DCAF5: variants seen among roughly 807,000 people sequenced by gnomAD.
DCAF5 encodes DDB1- and CUL4-associated factor 5.
DCAF5 carries 9 observed loss-of-function variants against 80.7 expected under a neutral mutation model. The observed-to-expected ratio is 0.11, with a 90% CI of 0.07 to 0.19. The LOEUF is 0.19. Ranked by LOEUF, DCAF5 falls within the 10% of genes least tolerant of loss-of-function variation. The probability of loss-of-function intolerance (pLI) is 1.00; values close to 1 mark genes in which losing one functional copy is unlikely to be tolerated. For synonymous variants in DCAF5, 433 were observed against 461.9 expected (o/e 0.94, Z 0.80); for missense variants, 842 against 1,205.7 (o/e 0.70, Z 4.47).
At chr14:69,097,588 T>TA (rs1566751203) in intron 5 of DCAF5, among the ~76,000 whole-genome samples, 125 of 113,046 alleles carry the variant, frequency 1.1e-3, no homozygotes, top group African/African-American at 1.3e-3. Flanking sequence ...TATTATTTTT[T>TA]TTTTTTTTTT....
At chr14:69,144,153 T>G (rs1207998345) in intron 1 of DCAF5, among the ~76,000 whole-genome samples, 2 of 152,048 alleles carry the variant, frequency 1.3e-5, no homozygotes, top group Non-Finnish European at 2.9e-5. Context: ...CTTTCTACAC[T>G]ACAGGTAACG....
rs774101845 is a variant in DCAF5 at position 69,054,494 on chromosome 14, T to G, written c.2192A>C (p.Asp731Ala). Residue 731 changes from aspartate (D) to alanine (A), a missense_variant, in exon 9 of 9, where the codon GAC becomes GCC. This residue lies in a region of DCAF5 where 607 missense variants were observed against 656.6 expected (regional missense o/e 0.92). Transcript: ENST00000341516. The part of the protein sequence containing the change: ...QDLPPEGCSK[D>A]TFKEETPRTP... The stretch of plus-strand genomic sequence containing the variant: ...TCTAGGAGTCTCTTCTTTAAAAGTG[T>G]CCTTGCTGCAGCCTTCAGGTGGCAG... 1 of 1,614,156 alleles carries G rather than the reference T, an allele frequency of 6.2e-7. No individual in the cohort carries two copies. The highest frequency in any genetic ancestry group is 8.5e-7 in the Non-Finnish European group (1 of 1,180,026).
chr14:69,062,082 ATTTTTT>A lies in DCAF5; in HGVS notation c.1074+296_1074+301del, dbSNP rs949859484. On this transcript the variant is annotated intron_variant, in intron 8 of 8. Transcript: ENST00000341516. ...CTTTTTTTAAAATTTATTTATTTTT[ATTTTTT>A]ATTTTATTTTTTAAGATGATGTCTT... 1.6e-4 allele frequency among the ~76,000 whole-genome samples: 24 copies of A among 151,912 alleles called. 1 individual carries two copies. Among genetic ancestry groups the A allele is most frequent in the Middle Eastern group, 3.4e-3 (1 of 294 alleles).
At chr14:69,082,643 T>A (rs2039155265) in intron 6 of DCAF5, among the ~76,000 whole-genome samples, 1 of 152,156 alleles carries the variant, frequency 6.6e-6, no homozygotes, top group Non-Finnish European at 1.5e-5. Context: ...CATTAACCAT[T>A]AGCCCCCCTC....
Position 69,105,944 on chromosome 14 carries a change from T to TATATATATA in DCAF5, c.665+10421_665+10422insTATATATAT, listed in dbSNP as rs35270301. ...ATATATATATATATATATATATATA[T>TATATATATA]ATCTCCTATTGGTTCTGTTCCTCTG... On this transcript the variant is annotated intron_variant, in intron 5 of 8. Coordinates refer to ENST00000341516, the MANE Select transcript of DCAF5 (RefSeq NM_003861.3). Among the ~76,000 whole-genome samples the TATATATATA allele has an allele frequency of 5.7e-3, 483 of 85,196 alleles. 66 individuals are homozygous for TATATATATA. The highest frequency in any genetic ancestry group is 7.7e-3 in the Non-Finnish European group (252 of 32,534). The allele number at this position is 85,196 out of a possible 152,430, so 55.9% of individuals were successfully genotyped here.
chr14:69,090,022 A>G (rs1225322931), intron 6 of DCAF5: 1 of 985,362 alleles, frequency 1.0e-6, no homozygotes, highest in African/African-American at 1.7e-5. Flanking sequence ...CACAACCTGA[A>G]GAAAATCACC....
intron 1 of DCAF5, among the ~76,000 whole-genome samples, chr14:69,136,660 T>C (rs2041206056): frequency 1.3e-5 from 2 of 152,202 alleles, no homozygotes; most frequent in South Asian, 2.1e-4. Flanking sequence ...CAGATGATGT[T>C]TCCCCTCAGG....
At chr14:69,114,452 G>A (rs1030136182) in intron 5 of DCAF5, among the ~76,000 whole-genome samples, 8 of 152,104 alleles carry the variant, frequency 5.3e-5, no homozygotes, top group African/African-American at 1.4e-4. Flanking sequence ...AAAAGAAATC[G>A]AGAACAGTGA....
chr14:69,054,009 G>A lies in DCAF5; in HGVS notation c.2677C>T (p.Pro893Ser), dbSNP rs2139816900. The change falls in exon 9 of 9, where the codon CCC (proline) becomes TCC (serine). Residue 893 changes from proline (P) to serine (S), a missense_variant. Pro to Ser is a moderately conservative substitution (Grantham distance 74). Around this residue, in one of 5 missense-constraint regions of DCAF5, gnomAD observed 607 missense variants for 656.6 expected, o/e 0.92. Transcript: ENST00000341516. ...CCGSEMACET[P>S]NAGTREDPTD... is the part of the protein sequence containing the mutation. ...GGGTCCTCTCTTGTTCCAGCATTGGGGGTCTCACAGGCCATTTCAGACCCG... is the reference window on the plus strand; with the variant it reads ...GGGTCCTCTCTTGTTCCAGCATTGGAGGTCTCACAGGCCATTTCAGACCCG... 1 of 1,612,610 alleles carries A rather than the reference G, an allele frequency of 6.2e-7. No homozygotes were observed. The highest frequency in any genetic ancestry group is 1.1e-5 in the South Asian group (1 of 90,984).
chr14:69,147,833 A>C (rs1026318814), intron 1 of DCAF5, among the ~76,000 whole-genome samples: 1 of 152,212 alleles, frequency 6.6e-6, no homozygotes, highest in Admixed American at 6.5e-5. Flanking sequence ...AAAAGATAAT[A>C]ATCTCTCACT....
chr14:69,112,239 A>C (rs914713655), intron 5 of DCAF5, among the ~76,000 whole-genome samples: 1 of 152,186 alleles, frequency 6.6e-6, no homozygotes, highest in African/African-American at 2.4e-5. Flanking sequence ...CAGGGTTATA[A>C]AAGGTAAGAA....
In DCAF5 at chr14:69,140,961, C is replaced by G. The variant is rs202063074; in HGVS notation, c.214+11804G>C. 6.6e-5 allele frequency among the ~76,000 whole-genome samples: 10 copies of G among 151,892 alleles called. No individual in the cohort carries two copies. In the East Asian group the frequency reaches 1.7e-3, roughly 26 times the overall value. On this transcript the variant is annotated intron_variant, in intron 1 of 8. Coordinates refer to ENST00000341516, the MANE Select transcript of DCAF5 (RefSeq NM_003861.3). ...CCAGCCTGGCCAACACGGTGAAACC[C>G]CGTCTTTACTAAAAGTACAAAAATT...
chr14:69,112,478 T>A (rs977517893), intron 5 of DCAF5, among the ~76,000 whole-genome samples: 2 of 152,048 alleles, frequency 1.3e-5, no homozygotes, highest in Admixed American at 1.3e-4. Context: ...CTCATGCCTA[T>A]AATTCCATCT....
At chr14:69,135,769 G>C (rs1376816495) in intron 1 of DCAF5, among the ~76,000 whole-genome samples, 1 of 152,214 alleles carries the variant, frequency 6.6e-6, no homozygotes, top group Non-Finnish European at 1.5e-5. Flanking sequence ...TTTCTGATGA[G>C]ACTGGTGGCA....
At chr14:69,108,917 CTT>C (rs2040257323) in intron 5 of DCAF5, among the ~76,000 whole-genome samples, 1 of 152,178 alleles carries the variant, frequency 6.6e-6, no homozygotes, top group South Asian at 2.1e-4. Context: ...CTCGTTCTCT[CTT>C]TTGTCCCTTT....
rs147437843 is a variant in DCAF5 at position 69,054,034 on chromosome 14, G to A, written c.2652C>T (p.Cys884=). ...LTGTLLHKDC[C]GSEMACETPN... ...GGGTCTCACAGGCCATTTCAGACCC[G>A]CAACAATCTTTGTGTAGGAGTGTCC... is the stretch of plus-strand genomic sequence containing the variant. Residue 884 remains cysteine (C), a synonymous_variant, in exon 9 of 9, where the codon TGC becomes TGT. Transcript: ENST00000341516. 1.9e-5 allele frequency: 30 copies of A among 1,612,806 alleles called. No homozygotes were observed. Among genetic ancestry groups the A allele is most frequent in the African/African-American group, 1.5e-4 (11 of 74,898 alleles).
intron 1 of DCAF5, among the ~76,000 whole-genome samples, chr14:69,136,841 G>A (rs2041211795): frequency 6.6e-6 from 1 of 152,076 alleles, no homozygotes; most frequent in South Asian, 2.1e-4. Flanking sequence ...TTCAGGTGGA[G>A]AAACCCTGCT....
intron 5 of DCAF5, among the ~76,000 whole-genome samples, 176 bp downstream of exon 5, chr14:69,116,190 G>A (rs776015821): frequency 7.9e-5 from 12 of 152,204 alleles, no homozygotes; most frequent in Admixed American, 1.3e-4. Context: ...GTACGGATTT[G>A]TCGCTGTCTA....
chr14:69,054,637 G>C lies in DCAF5; in HGVS notation c.2049C>G (p.Ser683=), dbSNP rs779702114. ...CTTCATCTGCCTCCCCGGTCACCAA[G>C]GAGGTCTCTCCATCTTTGTTATTTG... The part of the protein sequence containing the change: ...SYSNNKDGET[S]LVTGEADEGR... Residue 683 remains serine, a synonymous_variant, in exon 9 of 9, where the codon TCC becomes TCG. Transcript: ENST00000341516. 3 of 1,614,036 alleles carry C rather than the reference G, an allele frequency of 1.9e-6. No homozygotes were observed. The South Asian group carries it at 3.3e-5, about 18-fold the overall frequency.
Sources: gnomAD v4.1 joint callset for allele counts (sites outside exome capture counted in the v4.1 genomes callset) on GRCh38, gnomAD v4.1.1 for gene constraint, gnomAD v4.1.1 regional missense constraint, MANE v1.5 for transcripts, NCBI Gene and HGNC (gene_info 2026-07-23, HGNC 2026-07-21) for gene names.